The following SUMF1 variants were observed in gnomAD, a reference collection of about 807,000 sequenced individuals.
SUMF1 encodes the protein sulfatase modifying factor 1.
Under a neutral mutation model 47.6 loss-of-function variants are expected in SUMF1, and 48 were observed. The observed-to-expected ratio is 1.01, with a 90% CI of 0.80 to 1.28. The LOEUF (loss-of-function observed/expected upper bound fraction) is 1.28. Among genes scored for constraint, SUMF1 ranks in the 50% most tolerant of loss-of-function variants. SUMF1 has a pLI of 0.00. For synonymous variants in SUMF1, 230 were observed against 192.1 expected (o/e 1.20, Z -1.63); for missense variants, 571 against 485.4 (o/e 1.18, Z -1.66).
chr3:4,446,219 T>C (rs1207321864), intron 3 of SUMF1, among the ~76,000 whole-genome samples: 3 of 152,124 alleles, frequency 2.0e-5, no homozygotes, highest in African/African-American at 4.8e-5. Context: ...TAATCCCACC[T>C]GTCATGGGAG....
intron 8 of SUMF1, among the ~76,000 whole-genome samples, chr3:4,215,184 A>G (rs1184899478): frequency 6.6e-6 from 1 of 152,224 alleles, no homozygotes; most frequent in African/African-American, 2.4e-5. Flanking sequence ...CAGCACATGA[A>G]ATGCTTATCC....
At chr3:4,263,188 T>A (rs1697121853) in intron 8 of SUMF1, among the ~76,000 whole-genome samples, 1 of 152,176 alleles carries the variant, frequency 6.6e-6, no homozygotes, top group Non-Finnish European at 1.5e-5. Context: ...TATTAGGTTA[T>A]CCTTTTTAAT....
At chr3:4,046,499 A>C (rs895916916) in intron 9 of SUMF1, among the ~76,000 whole-genome samples, 2 of 152,108 alleles carry the variant, frequency 1.3e-5, no homozygotes, top group African/African-American at 4.8e-5. Flanking sequence ...TTATGCCCCC[A>C]TGTCGTCTCT....
intron 8 of SUMF1, among the ~76,000 whole-genome samples, chr3:4,227,047 C>A (rs1696189751): frequency 6.6e-6 from 1 of 152,092 alleles, no homozygotes. Flanking sequence ...GCTGGTCCTG[C>A]TGGTACAGAC....
intron 8 of SUMF1, among the ~76,000 whole-genome samples, chr3:4,173,330 A>G (rs1345752229): frequency 6.6e-6 from 1 of 152,118 alleles, no homozygotes; most frequent in African/African-American, 2.4e-5. Context: ...CCACAATGAG[A>G]CACCATCTCA....
intron 8 of SUMF1, among the ~76,000 whole-genome samples, chr3:4,304,438 G>C (rs1049078696): frequency 6.6e-6 from 1 of 152,218 alleles, no homozygotes; most frequent in African/African-American, 2.4e-5. Context: ...CACGCTCCCA[G>C]CCTCTACTGA....
chr3:4,401,873 T>G (rs1002920442), intron 7 of SUMF1, among the ~76,000 whole-genome samples: 3 of 152,162 alleles, frequency 2.0e-5, no homozygotes, highest in Admixed American at 2.0e-4. Flanking sequence ...CGTGATACAC[T>G]GTGAAAAGGT....
chr3:4,303,831 G>A, intron 8 of SUMF1: 13 of 1,356,742 alleles, frequency 9.6e-6, no homozygotes, highest in South Asian at 1.2e-5. Context: ...ATCACGGGGG[G>A]AGTCATTTAC....
At chr3:4,050,697 C>T (rs796530548) in intron 9 of SUMF1, among the ~76,000 whole-genome samples, 3 of 134,816 alleles carry the variant, frequency 2.2e-5, no homozygotes, top group South Asian at 4.8e-4. Flanking sequence ...GAGCCGAGAT[C>T]ATGCCACTGC....
At chr3:4,459,265 A>G (rs547239820) in intron 1 of SUMF1, among the ~76,000 whole-genome samples, 1 of 152,342 alleles carries the variant, frequency 6.6e-6, no homozygotes, top group South Asian at 2.1e-4. Context: ...TCATTCCACA[A>G]TGTAAACATA....
intron 9 of SUMF1, among the ~76,000 whole-genome samples, chr3:4,046,975 A>T (rs572950151): frequency 6.6e-6 from 1 of 152,206 alleles, no homozygotes; most frequent in East Asian, 1.9e-4. Context: ...CTGTCACCGC[A>T]TCGCTTACCA....
At chr3:4,454,679 T>C (rs1247392422) in intron 1 of SUMF1, among the ~76,000 whole-genome samples, 3 of 152,166 alleles carry the variant, frequency 2.0e-5, no homozygotes, top group Admixed American at 2.0e-4. Context: ...ACAATCCAAA[T>C]GTATATCAGC....
intron 8 of SUMF1, among the ~76,000 whole-genome samples, chr3:4,169,854 C>G (rs1411670423): frequency 6.6e-6 from 1 of 152,176 alleles, no homozygotes; most frequent in Non-Finnish European, 1.5e-5. Flanking sequence ...AACTATCAAA[C>G]TTCAGCACTG....
chr3:4,276,079 A>T (rs6784932), intron 8 of SUMF1, among the ~76,000 whole-genome samples: 63,290 of 151,580 alleles, frequency 0.42, 13,557 homozygotes, highest in African/African-American at 0.47. Flanking sequence ...TTCAAGCACA[A>T]GACATTAATT....
intron 8 of SUMF1, among the ~76,000 whole-genome samples, chr3:4,158,371 C>T (rs539364823): frequency 5.3e-5 from 8 of 151,362 alleles, no homozygotes; most frequent in African/African-American, 9.8e-5. Flanking sequence ...TGTGAGCTAA[C>T]GTGGTCTATC....
At chr3:4,412,617 C>T (rs954349663) in intron 6 of SUMF1, among the ~76,000 whole-genome samples, 5 of 152,220 alleles carry the variant, frequency 3.3e-5, no homozygotes, top group Non-Finnish European at 7.3e-5. Context: ...GGTGCCGTGG[C>T]TCATGCCTGT....
At chr3:4,258,884 C>T (rs1427566220) in intron 8 of SUMF1, among the ~76,000 whole-genome samples, 1 of 135,500 alleles carries the variant, frequency 7.4e-6, no homozygotes, top group Non-Finnish European at 1.6e-5. Flanking sequence ...CAATGATAGA[C>T]TGGATTAAGA....
intron 7 of SUMF1, among the ~76,000 whole-genome samples, chr3:4,389,137 G>A (rs1041397578): frequency 6.6e-6 from 1 of 151,956 alleles, no homozygotes; most frequent in African/African-American, 2.4e-5. Context: ...ATCCTTTTAG[G>A]ATAGGCTGGC....
At chr3:4,238,544 A>T (rs569945661) in intron 8 of SUMF1, among the ~76,000 whole-genome samples, 2 of 152,078 alleles carry the variant, frequency 1.3e-5, no homozygotes, top group African/African-American at 4.8e-5. Context: ...TGAGTTTTTC[A>T]TATGTCTGTT....
Sources: gnomAD v4.1 joint callset for allele counts (sites outside exome capture counted in the v4.1 genomes callset) on GRCh38, gnomAD v4.1.1 for gene constraint, MANE v1.5 for transcripts, NCBI Gene and HGNC (gene_info 2026-07-23, HGNC 2026-07-21) for gene names.